Variants in LRRC69 observed in about 807,000 individuals in gnomAD.
LRRC69 encodes the protein leucine rich repeat containing 69, also known as leucine-rich repeat-containing protein 69.
In LRRC69, 42 loss-of-function variants were observed where a neutral mutation model predicts 37.8. The observed-to-expected ratio is 1.11, with a 90% CI of 0.87 to 1.44. The LOEUF is 1.44. Among genes scored for constraint, LRRC69 ranks in the 40% most tolerant of loss-of-function variants. The pLI is 0.00. For synonymous variants in LRRC69, 141 were observed against 143.1 expected (o/e 0.99, Z 0.11); for missense variants, 357 against 401.9 (o/e 0.89, Z 0.96).
At chr8:91,118,746 T>G (rs1157678168) in intron 1 of LRRC69, among the ~76,000 whole-genome samples, 2 of 152,110 alleles carry the variant, frequency 1.3e-5, no homozygotes, top group Non-Finnish European at 2.9e-5. Context: ...CAAATAGTTG[T>G]CTGTCATATG....
chr8:91,199,527 T>G (rs1809678256), intron 6 of LRRC69, among the ~76,000 whole-genome samples: 1 of 143,346 alleles, frequency 7.0e-6, no homozygotes, highest in African/African-American at 2.5e-5. Context: ...TCTTTAAAAT[T>G]AAATTAATTT....
chr8:91,150,816 G>A (rs1808720928), intron 5 of LRRC69, among the ~76,000 whole-genome samples: 1 of 151,988 alleles, frequency 6.6e-6, no homozygotes, highest in African/African-American at 2.4e-5. Flanking sequence ...AGTCTTGGGA[G>A]AGTGTATGTG....
chr8:91,188,403 A>G (rs1220772746), intron 5 of LRRC69, among the ~76,000 whole-genome samples: 3 of 152,196 alleles, frequency 2.0e-5, no homozygotes, highest in Non-Finnish European at 2.9e-5. Context: ...CACTTCACCC[A>G]GGCTCACAAG....
chr8:91,197,680 C>A (rs1809637139), intron 6 of LRRC69, among the ~76,000 whole-genome samples: 1 of 152,162 alleles, frequency 6.6e-6, no homozygotes, highest in Admixed American at 6.5e-5. Flanking sequence ...CCGAGTGAGG[C>A]AATGCCTCAC....
intron 6 of LRRC69, among the ~76,000 whole-genome samples, chr8:91,198,045 C>T (rs1437273548): frequency 6.6e-6 from 1 of 152,120 alleles, no homozygotes; most frequent in Admixed American, 6.6e-5. Context: ...GTCAATGTTA[C>T]TGATTAAAGT....
intron 3 of LRRC69, among the ~76,000 whole-genome samples, chr8:91,131,741 A>G (rs1813813059): frequency 6.6e-6 from 1 of 151,896 alleles, no homozygotes; most frequent in Non-Finnish European, 1.5e-5. Context: ...CATTATTTCT[A>G]CTAGTTTTGT....
At chr8:91,183,386 T>A (rs1022974067) in intron 5 of LRRC69, among the ~76,000 whole-genome samples, 2 of 152,142 alleles carry the variant, frequency 1.3e-5, no homozygotes, top group Non-Finnish European at 1.5e-5. Flanking sequence ...GACCTGAACA[T>A]ATTTAAGAGA....
At chr8:91,153,427 G>A (rs191538543) in intron 5 of LRRC69, among the ~76,000 whole-genome samples, 6 of 150,654 alleles carry the variant, frequency 4.0e-5, no homozygotes, top group Admixed American at 2.0e-4. Context: ...TCAGTGCCAC[G>A]TGGTACTTAC....
At chr8:91,128,058 C>T (rs906094210) in intron 3 of LRRC69, among the ~76,000 whole-genome samples, 2 of 151,922 alleles carry the variant, frequency 1.3e-5, no homozygotes, top group Non-Finnish European at 2.9e-5. Context: ...AATGAAAATG[C>T]CATGCTAATA....
At chr8:91,216,193 C>T (rs1810043619) in intron 7 of LRRC69, among the ~76,000 whole-genome samples, 1 of 152,114 alleles carries the variant, frequency 6.6e-6, no homozygotes, top group Admixed American at 6.6e-5. Context: ...AAAAATCTCA[C>T]CAAAATATTC....
chr8:91,157,187 A>G, intron 5 of LRRC69: 2 of 858,222 alleles, frequency 2.3e-6, no homozygotes, highest in South Asian at 2.9e-5. Context: ...ATTGCTTCGA[A>G]TCTGTAGATT....
intron 4 of LRRC69, 97 bp downstream of exon 4, chr8:91,133,402 C>T (rs1813845393): frequency 1.2e-6 from 1 of 811,274 alleles, no homozygotes; most frequent in Middle Eastern, 2.3e-4. Flanking sequence ...TGAGTATAAG[C>T]CACCACTTGC....
chr8:91,147,810 C>A (rs891164560), intron 5 of LRRC69, among the ~76,000 whole-genome samples: 5 of 151,650 alleles, frequency 3.3e-5, no homozygotes, highest in Non-Finnish European at 7.4e-5. Flanking sequence ...CAACCCATCA[C>A]CTAGGTATTA....
chr8:91,164,482 C>T (rs1421388635), intron 5 of LRRC69, among the ~76,000 whole-genome samples: 1 of 151,658 alleles, frequency 6.6e-6, no homozygotes, highest in Non-Finnish European at 1.5e-5. Flanking sequence ...GGCTACTCTT[C>T]AGTCTGGGGT....
chr8:91,177,409 TA>T (rs1244876090), intron 5 of LRRC69, among the ~76,000 whole-genome samples: 1 of 143,160 alleles, frequency 7.0e-6, no homozygotes, highest in East Asian at 2.0e-4. Flanking sequence ...TTCAATAGAC[TA>T]TTCATTCTAT....
chr8:91,124,674 T>A, intron 2 of LRRC69, 55 bp downstream of exon 2: 1 of 1,379,186 alleles, frequency 7.3e-7, no homozygotes, highest in Non-Finnish European at 9.7e-7. Flanking sequence ...CTCTCATATT[T>A]AATAATATGA....
intron 5 of LRRC69, among the ~76,000 whole-genome samples, chr8:91,179,006 C>T (rs954919799): frequency 2.0e-5 from 3 of 152,164 alleles, no homozygotes; most frequent in Middle Eastern, 3.2e-3. Context: ...TGTAATTCAC[C>T]TAGGTTTTAT....
At chr8:91,196,276 C>G (rs909231735) in intron 6 of LRRC69, among the ~76,000 whole-genome samples, 31 of 151,946 alleles carry the variant, frequency 2.0e-4, no homozygotes, top group Non-Finnish European at 4.0e-4. Context: ...CTGCCCTTAA[C>G]ATTTTTTCCT....
At chr8:91,217,449 G>A (rs62526740) in intron 7 of LRRC69, among the ~76,000 whole-genome samples, 11,655 of 152,174 alleles carry the variant, frequency 0.077, 711 homozygotes, top group African/African-American at 0.16. Flanking sequence ...TCTTTTGGGA[G>A]TAAAGGGAGA....
Sources: allele counts gnomAD v4.1 joint callset (sites outside exome capture counted in the v4.1 genomes callset), GRCh38; gene constraint gnomAD v4.1.1; transcripts MANE v1.5; gene names NCBI Gene and HGNC (gene_info 2026-07-23, HGNC 2026-07-21).